ERCC8: variants seen among roughly 807,000 people sequenced by gnomAD.
ERCC8 encodes DNA excision repair protein ERCC-8.
ERCC8 carries 52 observed loss-of-function variants against 54.9 expected under a neutral mutation model. The observed-to-expected ratio is 0.95, with a 90% CI of 0.76 to 1.19. The LOEUF (loss-of-function observed/expected upper bound fraction) is 1.19. Among genes scored for constraint, ERCC8 ranks in the 50% most tolerant of loss-of-function variants. ERCC8 has a pLI of 0.00. For synonymous variants in ERCC8, 146 were observed against 157.2 expected (o/e 0.93, Z 0.53); for missense variants, 514 against 466.1 (o/e 1.10, Z -0.95).
At chr5:60,935,630 T>C (rs1342599053) in intron 1 of ERCC8, among the ~76,000 whole-genome samples, 1 of 152,216 alleles carries the variant, frequency 6.6e-6, no homozygotes, top group African/African-American at 2.4e-5. Flanking sequence ...TCAGGGGGAA[T>C]GCTTCCCAAC....
chr5:60,916,322 G>A (rs575651348), intron 4 of ERCC8, among the ~76,000 whole-genome samples: 1 of 152,136 alleles, frequency 6.6e-6, no homozygotes, highest in Non-Finnish European at 1.5e-5. Context: ...TCCAATGCCT[G>A]TCTTCTCAGT....
At chr5:60,889,851 C>T (rs1748497957) in intron 10 of ERCC8, among the ~76,000 whole-genome samples, 1 of 152,092 alleles carries the variant, frequency 6.6e-6, no homozygotes, top group African/African-American at 2.4e-5. Flanking sequence ...TCTCAGAACA[C>T]TAAAAATGTT....
chr5:60,891,143 C>T, intron 9 of ERCC8, 57 bp from the exon 10 acceptor site: 1 of 1,188,244 alleles, frequency 8.4e-7, no homozygotes, highest in Non-Finnish European at 1.2e-6. Context: ...TAAAACACAA[C>T]AAAGCCTAGG....
chr5:60,875,873 TTTTAA>T (rs1407145080), intron 11 of ERCC8, among the ~76,000 whole-genome samples: 2 of 140,838 alleles, frequency 1.4e-5, no homozygotes, highest in East Asian at 1.9e-4. Flanking sequence ...ATTTTTTATA[TTTTAA>T]TTTATTTATT....
rs561208684 is a variant in ERCC8, at chr5:60,934,788, C to T, written c.78-5829G>A. Among the ~76,000 whole-genome samples, 5 of 152,300 alleles carry T rather than the reference C, an allele frequency of 3.3e-5. No individual in the cohort carries two copies. In the South Asian group the frequency reaches 1.0e-3, roughly 32 times the overall value. On this transcript the variant is annotated intron_variant, in intron 1 of 11. Transcript: ENST00000676185. ...TTTTCATTTTCCTCCATGTGGCTTG[C>T]CAATTGTCCCAGGACTATTTGTTGA... is the stretch of plus-strand genomic sequence containing the variant.
chr5:60,921,974 C>A, intron 3 of ERCC8, 80 bp downstream of exon 3: 1 of 954,442 alleles, frequency 1.0e-6, no homozygotes, highest in Non-Finnish European at 1.7e-6. Flanking sequence ...CACTTGACTG[C>A]AATTTTCATG....
At chr5:60,938,578 T>G (rs1750162578) in intron 1 of ERCC8, among the ~76,000 whole-genome samples, 1 of 152,160 alleles carries the variant, frequency 6.6e-6, no homozygotes, top group African/African-American at 2.4e-5. Context: ...GGTCTCGAAC[T>G]CCTGACCTCA....
At chr5:60,892,815 C>G (rs1748604315) in intron 9 of ERCC8, 2 of 681,342 alleles carry the variant, frequency 2.9e-6, no homozygotes, top group Non-Finnish European at 2.7e-6. Context: ...TTTCGTGACC[C>G]CAGGAATGGC....
chr5:60,944,154 T>C (rs374636945), intron 1 of ERCC8, among the ~76,000 whole-genome samples: 1 of 152,216 alleles, frequency 6.6e-6, no homozygotes, highest in African/African-American at 2.4e-5. Flanking sequence ...CATTCTTCTC[T>C]TTTTGTCATT....
intron 6 of ERCC8, among the ~76,000 whole-genome samples, chr5:60,902,796 T>G (rs1010480099): frequency 6.6e-6 from 1 of 151,982 alleles, no homozygotes; most frequent in Non-Finnish European, 1.5e-5. Context: ...TGTCAGTAAA[T>G]CCATATAACT....
intron 11 of ERCC8, among the ~76,000 whole-genome samples, chr5:60,875,150 C>T (rs4647147): frequency 0.024 from 3,646 of 152,092 alleles, 60 homozygotes; most frequent in Non-Finnish European, 0.037. Flanking sequence ...TAAACAAATA[C>T]CAAATATGGA....
At chr5:60,922,686 T>C (rs1309582805) in intron 2 of ERCC8, among the ~76,000 whole-genome samples, 4 of 152,212 alleles carry the variant, frequency 2.6e-5, no homozygotes, top group East Asian at 1.9e-4. Flanking sequence ...CAATAAATGT[T>C]AGATTCCTTC....
intron 4 of ERCC8, among the ~76,000 whole-genome samples, chr5:60,911,533 C>G (rs545193114): frequency 1.3e-4 from 19 of 151,798 alleles, no homozygotes; most frequent in Non-Finnish European, 2.5e-4. Context: ...TTCTCCCATT[C>G]TGTAGGTTGC....
At chr5:60,887,638 C>T in intron 10 of ERCC8, 118 bp from the exon 11 acceptor site, 2 of 779,024 alleles carry the variant, frequency 2.6e-6, no homozygotes, top group Non-Finnish European at 4.5e-6. Context: ...TATTTCTACT[C>T]CCTAAAGAAA....
intron 1 of ERCC8, among the ~76,000 whole-genome samples, chr5:60,934,186 G>C (rs1749996355): frequency 3.3e-5 from 5 of 152,178 alleles, no homozygotes; most frequent in Admixed American, 2.6e-4. Context: ...GGTGGTACTA[G>C]TTGACATTCC....
intron 11 of ERCC8, among the ~76,000 whole-genome samples, chr5:60,879,350 T>C (rs1335038089): frequency 6.6e-6 from 1 of 152,200 alleles, no homozygotes; most frequent in Non-Finnish European, 1.5e-5. Flanking sequence ...ACTCTGTTGA[T>C]TTGGGGTGGA....
intron 4 of ERCC8, among the ~76,000 whole-genome samples, chr5:60,917,153 G>T (rs1749458809): frequency 6.6e-6 from 1 of 151,940 alleles, no homozygotes; most frequent in South Asian, 2.1e-4. Context: ...CAAATTAAAT[G>T]ACTTATCTAA....
At chr5:60,942,454 T>A (rs919822646) in intron 1 of ERCC8, among the ~76,000 whole-genome samples, 33 of 152,124 alleles carry the variant, frequency 2.2e-4, no homozygotes, top group African/African-American at 7.7e-4. Context: ...CACAGTGGGA[T>A]ACTCCACAGC....
At chr5:60,935,637 C>T (rs1201907330) in intron 1 of ERCC8, among the ~76,000 whole-genome samples, 4 of 152,126 alleles carry the variant, frequency 2.6e-5, no homozygotes, top group African/African-American at 9.7e-5. Flanking sequence ...GAATGCTTCC[C>T]AACTTTTCCC....
Sources: gnomAD v4.1 joint callset for allele counts (sites outside exome capture counted in the v4.1 genomes callset) on GRCh38, gnomAD v4.1.1 for gene constraint, MANE v1.5 for transcripts, NCBI Gene and HGNC (gene_info 2026-07-23, HGNC 2026-07-21) for gene names.